The following PKHD1 variants were observed in gnomAD, a reference collection of about 807,000 sequenced individuals.
The protein encoded by PKHD1 is fibrocystin.
A neutral mutation model predicts 412.0 loss-of-function variants in PKHD1; 291 were observed. The observed-to-expected ratio is 0.71, with a 90% confidence interval of 0.64 to 0.78. PKHD1 has a LOEUF of 0.78. Ranked by LOEUF, PKHD1 falls within the 30% of genes least tolerant of loss-of-function variation. The probability of loss-of-function intolerance (pLI) is 0.00; values close to 1 mark genes in which losing one functional copy is unlikely to be tolerated. For synonymous variants in PKHD1, 1,777 were observed against 1,821.5 expected, an observed-to-expected ratio of 0.98 and a Z score of 0.62; for missense variants, 4,825 against 4,950.7, an observed-to-expected ratio of 0.97 and a Z score of 0.76.
intron 35 of PKHD1, among the ~76,000 whole-genome samples, chr6:51,982,174 CGG>C (rs1795459299): frequency 2.5e-5 from 1 of 40,208 alleles, no homozygotes; most frequent in Non-Finnish European, 5.4e-5. Flanking sequence ...CCACCCCGTC[CGG>C]GAGGGAGGTG....
chr6:52,049,274 C>T (rs1204611720), intron 22 of PKHD1, among the ~76,000 whole-genome samples: 1 of 152,114 alleles, frequency 6.6e-6, no homozygotes, highest in African/African-American at 2.4e-5. Flanking sequence ...ATACTGTAGG[C>T]AATTGTAACA....
At chr6:52,005,784 A>T (rs957170996) in intron 35 of PKHD1, among the ~76,000 whole-genome samples, 1 of 151,996 alleles carries the variant, frequency 6.6e-6, no homozygotes, top group African/African-American at 2.4e-5. Context: ...AATCCACATT[A>T]TGTATTCACG....
chr6:51,831,408 A>G (rs1028104392), intron 51 of PKHD1, among the ~76,000 whole-genome samples: 17 of 152,092 alleles, frequency 1.1e-4, no homozygotes, highest in African/African-American at 4.1e-4. Context: ...ACCCAGTTCT[A>G]CTTTTGCTTA....
At chr6:51,968,720 G>A (rs188246173) in intron 35 of PKHD1, among the ~76,000 whole-genome samples, 1 of 152,274 alleles carries the variant, frequency 6.6e-6, no homozygotes, top group East Asian at 1.9e-4. Context: ...ACATGATCCA[G>A]GCCAGGTCCA....
chr6:51,677,284 GTA>G (rs1237623943), intron 60 of PKHD1, among the ~76,000 whole-genome samples: 2 of 152,114 alleles, frequency 1.3e-5, no homozygotes, highest in South Asian at 2.1e-4. Flanking sequence ...GCCCTTCAGA[GTA>G]TAGTCACCTC....
At chr6:51,632,818 T>G in intron 64 of PKHD1, 95 bp from the exon 65 acceptor site, 1 of 894,934 alleles carries the variant, frequency 1.1e-6, no homozygotes, top group South Asian at 1.5e-5. Context: ...TAATAGTATC[T>G]GGGATATAGT....
In PKHD1 at chr6:51,772,747, T is replaced by C; in HGVS notation, c.8597A>G (p.Asn2866Ser). The change falls in exon 55 of 67, where the codon AAC becomes AGC. Residue 2866 changes from asparagine (N) to serine (S), a missense_variant. Transcript: ENST00000371117. ...ATCAGCTCCAAGATGTGTCCAGGAG[T>C]TCTTAGGATAAGCACTGTAAAGATG... ...KVHLYSAYPKNSWTHLGADIA... is the reference protein window; with the variant it reads ...KVHLYSAYPKSSWTHLGADIA... The C allele has an allele frequency of 1.2e-6, 2 of 1,600,980 alleles. No individual in the cohort carries two copies. The highest frequency in any genetic ancestry group is 2.2e-5 in the East Asian group (1 of 44,686).
chr6:51,723,818 C>T (rs1782226006), intron 60 of PKHD1, among the ~76,000 whole-genome samples: 1 of 152,090 alleles, frequency 6.6e-6, no homozygotes, highest in Admixed American at 6.6e-5. Context: ...AGTTTGGGTA[C>T]ATAGAATGGT....
chr6:51,622,047 T>C (rs1766689484), intron 66 of PKHD1: 1 of 152,194 alleles, frequency 6.6e-6, no homozygotes, highest in Non-Finnish European at 1.5e-5. Context: ...AGAATCCCAC[T>C]GGTGGATTTG....
At chr6:51,664,125 T>C (rs1405830918) in intron 60 of PKHD1, among the ~76,000 whole-genome samples, 2 of 152,150 alleles carry the variant, frequency 1.3e-5, no homozygotes, top group East Asian at 1.9e-4. Flanking sequence ...GTAGGATGTA[T>C]ACCTTCAAAG....
intron 60 of PKHD1, among the ~76,000 whole-genome samples, chr6:51,725,256 T>C (rs1044677753): frequency 6.6e-6 from 1 of 152,186 alleles, no homozygotes; most frequent in African/African-American, 2.4e-5. Context: ...CCTACGTATC[T>C]GGAATAAGGC....
chr6:51,739,638 C>T (rs1784309894), intron 60 of PKHD1, among the ~76,000 whole-genome samples: 1 of 152,168 alleles, frequency 6.6e-6, no homozygotes, highest in Non-Finnish European at 1.5e-5. Context: ...TTGTTTTGCT[C>T]ATTGCTATAG....
Position 51,934,092 on chromosome 6 carries a change from A to T in PKHD1, c.6121+18T>A. 2 of 1,566,454 alleles carry T rather than the reference A, an allele frequency of 1.3e-6. No homozygotes were observed. The highest frequency in any genetic ancestry group is 2.2e-5 in the South Asian group (2 of 90,120). ...ACACAGCTCTACTTCATTTCCTCTG[A>T]TCAATTGCCTCACTCACCGTGCAGA... is the stretch of plus-strand genomic sequence containing the variant. On this transcript the variant is annotated intron_variant, in intron 37 of 66. Transcript: ENST00000371117.
chr6:52,083,125 A>C, intron 3 of PKHD1, 53 bp downstream of exon 3: 1 of 1,166,490 alleles, frequency 8.6e-7, no homozygotes, highest in Non-Finnish European at 1.3e-6. Context: ...CATAGTCTTT[A>C]GGATTGTGGG....
intron 52 of PKHD1, among the ~76,000 whole-genome samples, chr6:51,806,130 G>C (rs1024849846): frequency 6.6e-6 from 1 of 151,914 alleles, no homozygotes; most frequent in Non-Finnish European, 1.5e-5. Context: ...GTTAAATGAC[G>C]AGTTAATGGG....
intron 65 of PKHD1, among the ~76,000 whole-genome samples, chr6:51,627,454 T>C (rs1385469425): frequency 6.6e-6 from 1 of 152,016 alleles, no homozygotes; most frequent in Non-Finnish European, 1.5e-5. Flanking sequence ...TTTATATTCA[T>C]TACATGCTGG....
At chr6:51,656,240 A>T (rs1771826308) in intron 61 of PKHD1, among the ~76,000 whole-genome samples, 3 of 152,146 alleles carry the variant, frequency 2.0e-5, no homozygotes, top group African/African-American at 7.2e-5. Context: ...CTAACACAGG[A>T]ACAGAAAACC....
Position 51,748,243 on chromosome 6 carries a change from A to T in PKHD1, c.9373T>A (p.Ser3125Thr). 1 of 1,614,092 alleles carries T rather than the reference A, an allele frequency of 6.2e-7. No homozygotes were observed. Among genetic ancestry groups the T allele is most frequent in the Non-Finnish European group, 8.5e-7 (1 of 1,179,976 alleles). The change falls in exon 58 of 67, where the codon TCA (serine) becomes ACA (threonine). Residue 3125 changes from serine to threonine, a missense_variant. Transcript: ENST00000371117. ...TAGAGATGAAGGCCATGAAGACTTGAATGCGCCACATTGTCAGACCAAAGC... is the reference window on the plus strand; with the variant it reads ...TAGAGATGAAGGCCATGAAGACTTGTATGCGCCACATTGTCAGACCAAAGC... ...ELLWSDNVAH[S>T]SLHGLHLYKE...
intron 27 of PKHD1, among the ~76,000 whole-genome samples, chr6:52,039,980 T>C (rs1465046728): frequency 1.3e-5 from 2 of 152,210 alleles, no homozygotes; most frequent in African/African-American, 4.8e-5. Context: ...AAAAATATCA[T>C]GCCAAGTAGA....
Sources: allele counts gnomAD v4.1 joint callset (sites outside exome capture counted in the v4.1 genomes callset), GRCh38; gene constraint gnomAD v4.1.1; transcripts MANE v1.5; gene names NCBI Gene and HGNC (gene_info 2026-07-23, HGNC 2026-07-21).